Variants in BAG4 observed in about 807,000 individuals in gnomAD.
The protein encoded by BAG4 is BAG cochaperone 4.
BAG4 carries 28 observed loss-of-function variants against 52.1 expected under a neutral mutation model. The observed-to-expected ratio is 0.54, with a 90% CI of 0.40 to 0.74. The LOEUF (loss-of-function observed/expected upper bound fraction) is 0.74. BAG4 is among the 30% of genes least tolerant of loss of function. BAG4 has a pLI of 0.00. For missense variants in BAG4, 525 were observed against 572.0 expected (o/e 0.92, Z 0.84); for synonymous variants, 208 against 217.0 (o/e 0.96, Z 0.37).
chr8:38,201,860 A>T (rs868704882), intron 2 of BAG4: 64 of 9,072 alleles, frequency 7.1e-3, no homozygotes, highest in Non-Finnish European at 0.014. Flanking sequence ...ATATATATAT[A>T]TATATATATA....
chr8:38,195,856 A>G (rs1234460644), intron 2 of BAG4, among the ~76,000 whole-genome samples: 2 of 152,192 alleles, frequency 1.3e-5, no homozygotes, highest in African/African-American at 4.8e-5. Context: ...ATCACTGTCT[A>G]ATTCTGGAAC....
intron 2 of BAG4, among the ~76,000 whole-genome samples, chr8:38,196,842 C>G (rs1177058318): frequency 6.6e-6 from 1 of 151,950 alleles, no homozygotes; most frequent in African/African-American, 2.4e-5. Context: ...TTTGGGAGGC[C>G]AAGGTGGGCA....
intron 2 of BAG4, among the ~76,000 whole-genome samples, chr8:38,207,178 C>G (rs1803784239): frequency 6.6e-6 from 1 of 152,074 alleles, no homozygotes; most frequent in Non-Finnish European, 1.5e-5. Context: ...GTCTAGAACT[C>G]CTGACCTCAG....
intron 1 of BAG4, among the ~76,000 whole-genome samples, chr8:38,185,382 T>G (rs898603394): frequency 1.4e-4 from 21 of 152,230 alleles, no homozygotes; most frequent in African/African-American, 4.8e-4. Flanking sequence ...TACAAATATT[T>G]GCACAATCTA....
intron 1 of BAG4, among the ~76,000 whole-genome samples, chr8:38,177,793 C>T (rs1803190509): frequency 6.6e-6 from 1 of 152,080 alleles, no homozygotes; most frequent in Non-Finnish European, 1.5e-5. Context: ...ACACTTGGAC[C>T]TGCAACATTT....
intron 2 of BAG4, among the ~76,000 whole-genome samples, chr8:38,198,799 T>C (rs1316484037): frequency 2.0e-5 from 3 of 152,080 alleles, no homozygotes; most frequent in Admixed American, 6.6e-5. Flanking sequence ...TTTTGTATTT[T>C]TAAAACTGTT....
At chr8:38,187,052 A>G (rs1392502417) in intron 1 of BAG4, among the ~76,000 whole-genome samples, 1 of 152,238 alleles carries the variant, frequency 6.6e-6, no homozygotes, top group East Asian at 1.9e-4. Context: ...CTATGCAAAG[A>G]CACAGGAAAG....
At chr8:38,196,892 C>T (rs1234231602) in intron 2 of BAG4, among the ~76,000 whole-genome samples, 3 of 151,890 alleles carry the variant, frequency 2.0e-5, no homozygotes, top group Admixed American at 1.3e-4. Flanking sequence ...GCCTGGCCAA[C>T]ATGGTGAAAC....
intron 2 of BAG4, among the ~76,000 whole-genome samples, chr8:38,203,542 C>G (rs914217561): frequency 1.2e-4 from 19 of 152,122 alleles, no homozygotes. Context: ...CTTGGCCTCC[C>G]AAAGTGCTCA....
At position 38,203,437 on chromosome 8, in the gene BAG4, C is replaced by T. The variant is rs997672591; in HGVS notation, c.379-4075C>T. 3.9e-5 allele frequency among the ~76,000 whole-genome samples: 6 copies of T among 152,136 alleles called. No individual in the cohort carries two copies. In the South Asian group the frequency reaches 6.2e-4, roughly 16 times the overall value. ...AGCTGGGACTACAGTCGCCTGCCACCACGCCCAGCTAATTTTTTTGTATTT... is the reference window on the plus strand; with the variant it reads ...AGCTGGGACTACAGTCGCCTGCCACTACGCCCAGCTAATTTTTTTGTATTT... On this transcript the variant is annotated intron_variant, in intron 2 of 4. Transcript: ENST00000287322.
chr8:38,182,373 G>A (rs918762479), intron 1 of BAG4, among the ~76,000 whole-genome samples: 4 of 152,136 alleles, frequency 2.6e-5, no homozygotes, highest in Non-Finnish European at 5.9e-5. Context: ...TGCTTGGACT[G>A]GGGTTTCAGT....
At chr8:38,185,962 C>G (rs1181310226) in intron 1 of BAG4, among the ~76,000 whole-genome samples, 3 of 152,238 alleles carry the variant, frequency 2.0e-5, no homozygotes, top group Non-Finnish European at 4.4e-5. Flanking sequence ...TTTTTTGCAG[C>G]TAGTGAGATA....
At chr8:38,195,621 A>T (rs1011883113) in intron 2 of BAG4, among the ~76,000 whole-genome samples, 2 of 152,158 alleles carry the variant, frequency 1.3e-5, no homozygotes, top group Non-Finnish European at 2.9e-5. Flanking sequence ...GAACTTAAGG[A>T]TGAGGTTGAT....
At chr8:38,183,916 A>G (rs535384270) in intron 1 of BAG4, among the ~76,000 whole-genome samples, 1 of 152,334 alleles carries the variant, frequency 6.6e-6, no homozygotes, top group South Asian at 2.1e-4. Context: ...ATAATCAGCC[A>G]TTCCTTAAGA....
At chr8:38,183,818 T>C (rs762825287) in intron 1 of BAG4, among the ~76,000 whole-genome samples, 7 of 152,038 alleles carry the variant, frequency 4.6e-5, no homozygotes, top group Admixed American at 2.6e-4. Flanking sequence ...CTACCGTGCC[T>C]GGCATGACCC....
chr8:38,191,586 C>T (rs1051165103), intron 1 of BAG4, among the ~76,000 whole-genome samples: 8 of 152,034 alleles, frequency 5.3e-5, no homozygotes, highest in South Asian at 4.2e-4. Context: ...TAGTGAAACC[C>T]GGTCTCTACT....
intron 2 of BAG4, among the ~76,000 whole-genome samples, chr8:38,195,924 A>G (rs1300284934): frequency 6.6e-6 from 1 of 152,158 alleles, no homozygotes; most frequent in South Asian, 2.1e-4. Context: ...CCCTCCCCTC[A>G]GCTCTTGGCA....
chr8:38,190,221 T>C (rs963664860), intron 1 of BAG4, among the ~76,000 whole-genome samples: 4 of 152,200 alleles, frequency 2.6e-5, no homozygotes, highest in Non-Finnish European at 4.4e-5. Context: ...ATAACACTAC[T>C]GTATGTATTT....
At chr8:38,183,173 T>C (rs1224631658) in intron 1 of BAG4, among the ~76,000 whole-genome samples, 3 of 151,398 alleles carry the variant, frequency 2.0e-5, no homozygotes, top group Non-Finnish European at 4.4e-5. Flanking sequence ...GCCTCCTGAG[T>C]AGCTGGGACC....
Sources: allele counts gnomAD v4.1 joint callset (sites outside exome capture counted in the v4.1 genomes callset), GRCh38; gene constraint gnomAD v4.1.1; transcripts MANE v1.5; gene names NCBI Gene and HGNC (gene_info 2026-07-23, HGNC 2026-07-21).